GNB1L: variants seen among roughly 807,000 people sequenced by gnomAD.
GNB1L encodes guanine nucleotide-binding protein subunit beta-like protein 1.
In GNB1L, 20 loss-of-function variants were observed where a neutral mutation model predicts 29.1. That is an observed-to-expected ratio of 0.69 (90% confidence interval 0.48 to 1.00). The LOEUF (loss-of-function observed/expected upper bound fraction) is 1.00, where lower values mean the gene tolerates loss of function less well. GNB1L is among the 50% of genes least tolerant of loss of function. GNB1L has a pLI of 0.00. For synonymous variants in GNB1L, 193 were observed against 206.5 expected, an observed-to-expected ratio of 0.93 and a Z score of 0.56; for missense variants, 421 against 464.9, an observed-to-expected ratio of 0.91 and a Z score of 0.87.
At position 19,792,968 on chromosome 22, in the gene GNB1L, T is replaced by G. The variant is rs1937268333; in HGVS notation, c.733-4008A>C. ...AGCTGATGGAAGCTATCAGGACCAATTACAATGACAGATACGATGAGATCC... is the reference window on the plus strand; with the variant it reads ...AGCTGATGGAAGCTATCAGGACCAAGTACAATGACAGATACGATGAGATCC... On this transcript the variant is annotated intron_variant, in intron 7 of 7. Coordinates refer to ENST00000329517, the MANE Select transcript of GNB1L (RefSeq NM_053004.3). 12 of 1,468,178 alleles carry G rather than the reference T, an allele frequency of 8.2e-6. No individual in the cohort carries two copies. The South Asian group carries it at 1.2e-4, about 15-fold the overall frequency. 90.9% of individuals were successfully genotyped at this position (1,468,178 alleles called of 1,614,324 possible).
At chr22:19,848,382 A>C (rs372560361) in intron 2 of GNB1L, 13 of 985,304 alleles carry the variant, frequency 1.3e-5, no homozygotes, top group African/African-American at 8.7e-5. Context: ...AGAGAAAAAC[A>C]ACCCAGGGGG....
intron 2 of GNB1L, among the ~76,000 whole-genome samples, chr22:19,833,554 G>A (rs886069569): frequency 8.5e-5 from 13 of 152,072 alleles, no homozygotes; most frequent in African/African-American, 3.1e-4. Context: ...AACAGAGCAA[G>A]ACCCTGTCTC....
At chr22:19,825,327 G>A (rs1203542917) in intron 2 of GNB1L, among the ~76,000 whole-genome samples, 2 of 152,198 alleles carry the variant, frequency 1.3e-5, no homozygotes, top group Admixed American at 1.3e-4. Context: ...GTTGATAAAA[G>A]TTTCTTAGAA....
intron 2 of GNB1L, chr22:19,850,354 C>T: frequency 2.0e-6 from 2 of 986,126 alleles, no homozygotes; most frequent in East Asian, 1.1e-4. Context: ...AAGTCATTTA[C>T]ACACTAGGGC....
At chr22:19,808,744 A>G (rs1044220447) in intron 5 of GNB1L, among the ~76,000 whole-genome samples, 1 of 152,236 alleles carries the variant, frequency 6.6e-6, no homozygotes, top group Admixed American at 6.5e-5. Flanking sequence ...TCTTAGGATC[A>G]GCATGGCCAC....
chr22:19,824,138 C>A (rs1215777953), intron 2 of GNB1L, among the ~76,000 whole-genome samples: 1 of 152,248 alleles, frequency 6.6e-6, no homozygotes, highest in African/African-American at 2.4e-5. Context: ...CAAAATGATG[C>A]ATCGGCAATT....
rs941148221 is a variant in GNB1L, at chr22:19,849,865, C to T, written c.-21+4578G>A. On this transcript the variant is annotated intron_variant, in intron 2 of 7. Transcript: ENST00000329517. ...GTGGGCACACACTGCACACACTGGG[C>T]GGCTGTACCTGCCTATCCTGTGGTA... The T allele has an allele frequency of 1.1e-5, 11 of 985,292 alleles. No individual in the cohort carries two copies. The South Asian group carries it at 1.9e-4, about 17-fold the overall frequency. 61.0% of individuals were successfully genotyped at this position (985,292 alleles called of 1,614,324 possible).
At chr22:19,834,454 G>A (rs1184373203) in intron 2 of GNB1L, among the ~76,000 whole-genome samples, 1 of 152,220 alleles carries the variant, frequency 6.6e-6, no homozygotes, top group Non-Finnish European at 1.5e-5. Flanking sequence ...AAGAAGGTAG[G>A]AGGAGCAATG....
At chr22:19,806,346 T>C (rs1937434159) in intron 6 of GNB1L, among the ~76,000 whole-genome samples, 1 of 152,236 alleles carries the variant, frequency 6.6e-6, no homozygotes, top group Admixed American at 6.5e-5. Flanking sequence ...CAGACCCCAC[T>C]GTCCCCTCCT....
At chr22:19,821,519 C>G in intron 2 of GNB1L, 144 bp from the exon 3 acceptor site, 1 of 786,644 alleles carries the variant, frequency 1.3e-6, no homozygotes, top group Non-Finnish European at 2.0e-6. Flanking sequence ...GGTGCCACTG[C>G]TCCCCAGACA....
At chr22:19,813,532 A>C (rs966565927) in intron 4 of GNB1L, among the ~76,000 whole-genome samples, 2 of 152,050 alleles carry the variant, frequency 1.3e-5, no homozygotes, top group African/African-American at 4.8e-5. Flanking sequence ...CTAAAAACAC[A>C]AAAAAATCAG....
intron 2 of GNB1L, chr22:19,848,870 T>G (rs1938027370): frequency 1.0e-6 from 1 of 985,348 alleles, no homozygotes; most frequent in Admixed American, 6.1e-5. Flanking sequence ...GAAGGTGGCC[T>G]GTCCAGAAGC....
At chr22:19,829,232 T>C (rs1213494435) in intron 2 of GNB1L, among the ~76,000 whole-genome samples, 2 of 152,212 alleles carry the variant, frequency 1.3e-5, no homozygotes, top group East Asian at 1.9e-4. Flanking sequence ...TACAGATCTA[T>C]AATGGAACTT....
In GNB1L at chr22:19,853,721, G is replaced by T. The variant is rs540879680; in HGVS notation, c.-21+722C>A. Among the ~76,000 whole-genome samples, 632 of 152,070 alleles carry T rather than the reference G, an allele frequency of 4.2e-3. 10 individuals carry two copies. Among genetic ancestry groups the T allele is most frequent in the African/African-American group, 0.015 (611 of 41,442 alleles). The stretch of plus-strand genomic sequence containing the variant: ...TCCCTCAGGTCTGACCCCCCTCTGG[G>T]GGGGGGGTCTTCACCTGAAAGCCCA... On this transcript the variant is annotated intron_variant, in intron 2 of 7. Coordinates refer to ENST00000329517, the MANE Select transcript of GNB1L (RefSeq NM_053004.3).
intron 2 of GNB1L, among the ~76,000 whole-genome samples, chr22:19,853,982 C>A (rs1261833166): frequency 6.6e-6 from 1 of 152,218 alleles, no homozygotes; most frequent in South Asian, 2.1e-4. Flanking sequence ...GTCCCCTACC[C>A]TGCCCACTCA....
chr22:19,845,466 G>A (rs1316202979), intron 2 of GNB1L, among the ~76,000 whole-genome samples: 1 of 152,228 alleles, frequency 6.6e-6, no homozygotes, highest in African/African-American at 2.4e-5. Context: ...CAGGGGGCAG[G>A]GGAGTCAGAT....
chr22:19,828,893 G>A (rs550421157), intron 2 of GNB1L, among the ~76,000 whole-genome samples: 10 of 151,300 alleles, frequency 6.6e-5, no homozygotes, highest in African/African-American at 1.9e-4. Context: ...GTGCAGTGAC[G>A]TGGTTTCGGC....
intron 4 of GNB1L, among the ~76,000 whole-genome samples, chr22:19,818,379 A>G (rs1937551737): frequency 6.6e-6 from 1 of 152,214 alleles, no homozygotes; most frequent in Admixed American, 6.5e-5. Context: ...GGTTCTAGAA[A>G]TGAAGTCTAC....
chr22:19,796,407 C>T (rs866017748), intron 7 of GNB1L, among the ~76,000 whole-genome samples: 4 of 152,330 alleles, frequency 2.6e-5, no homozygotes, highest in South Asian at 4.1e-4. Flanking sequence ...CATCTGACAA[C>T]CAGCACTGCC....
Sources: allele counts gnomAD v4.1 joint callset (sites outside exome capture counted in the v4.1 genomes callset), GRCh38; gene constraint gnomAD v4.1.1; transcripts MANE v1.5; gene names NCBI Gene and HGNC (gene_info 2026-07-23, HGNC 2026-07-21).